The following MBOAT1 variants were observed in gnomAD, a reference collection of about 807,000 sequenced individuals.
The protein encoded by MBOAT1 is membrane-bound glycerophospholipid O-acyltransferase 1.
MBOAT1 carries 67 observed loss-of-function variants against 64.4 expected under a neutral mutation model. The observed-to-expected ratio is 1.04, with a 90% CI of 0.85 to 1.27. MBOAT1 has a LOEUF of 1.27. Ranked by LOEUF, MBOAT1 falls within the 50% of genes most tolerant of loss-of-function variation. The pLI is 0.00. For missense variants in MBOAT1, 563 were observed against 604.6 expected (o/e 0.93, Z 0.72); for synonymous variants, 229 against 218.9 (o/e 1.05, Z -0.41).
chr6:20,150,699 G>A (rs1473598292), intron 3 of MBOAT1, among the ~76,000 whole-genome samples: 2 of 150,030 alleles, frequency 1.3e-5, no homozygotes, highest in African/African-American at 4.9e-5. Flanking sequence ...GAGTAGCTGG[G>A]ACTATAGGTG....
intron 1 of MBOAT1, among the ~76,000 whole-genome samples, chr6:20,193,006 T>C (rs1340906007): frequency 1.3e-4 from 13 of 102,320 alleles, no homozygotes; most frequent in African/African-American, 4.4e-4. Context: ...TTTTTTTTTT[T>C]TTTTTTTTTT....
intron 4 of MBOAT1, among the ~76,000 whole-genome samples, chr6:20,137,843 C>CA (rs1436323892): frequency 6.6e-6 from 1 of 152,138 alleles, no homozygotes; most frequent in Non-Finnish European, 1.5e-5. Context: ...TTTAGGTTTG[C>CA]ATGCATGCTC....
chr6:20,107,429 C>T (rs994635378), intron 12 of MBOAT1, among the ~76,000 whole-genome samples: 1 of 152,222 alleles, frequency 6.6e-6, no homozygotes, highest in Non-Finnish European at 1.5e-5. Context: ...GCTTCACTCC[C>T]ACTGCACAAC....
chr6:20,113,591 A>G (rs930548616), intron 10 of MBOAT1, among the ~76,000 whole-genome samples: 5 of 152,140 alleles, frequency 3.3e-5, no homozygotes, highest in African/African-American at 4.8e-5. Context: ...CACAGTGTCC[A>G]TCAGACTTCA....
rs62404796 is a variant in MBOAT1, at chr6:20,122,341, C to T, written c.907+2067G>A. Among the ~76,000 whole-genome samples the T allele has an allele frequency of 1.3e-3, 197 of 152,264 alleles. 1 individual carries two copies. The highest frequency in any genetic ancestry group is 4.1e-3 in the Admixed American group (62 of 15,294). ...TCCCTAGTGACCAGTCTGTATTCATCCGTTTCTCTTTATTCCTCCCACTGG... is the reference window on the plus strand; with the variant it reads ...TCCCTAGTGACCAGTCTGTATTCATTCGTTTCTCTTTATTCCTCCCACTGG... On this transcript the variant is annotated intron_variant, in intron 8 of 12. Coordinates refer to ENST00000324607, the MANE Select transcript of MBOAT1 (RefSeq NM_001080480.3).
chr6:20,127,965 A>G (rs1421387578), intron 6 of MBOAT1, among the ~76,000 whole-genome samples: 1 of 152,034 alleles, frequency 6.6e-6, no homozygotes, highest in Non-Finnish European at 1.5e-5. Context: ...ATCTTTCAAT[A>G]GTGCTCCACT....
intron 1 of MBOAT1, among the ~76,000 whole-genome samples, chr6:20,178,578 C>T (rs563200745): frequency 2.4e-4 from 37 of 152,266 alleles, no homozygotes; most frequent in African/African-American, 6.7e-4. Context: ...CCTTATCAAA[C>T]GCTAATCCCT....
At chr6:20,113,832 AAAT>A (rs1432977253) in intron 10 of MBOAT1, among the ~76,000 whole-genome samples, 1 of 150,836 alleles carries the variant, frequency 6.6e-6, no homozygotes, top group Non-Finnish European at 1.5e-5. Context: ...AAAAATAAAT[AAAT>A]AATAATAAAA....
At chr6:20,181,087 C>T (rs1015998195) in intron 1 of MBOAT1, among the ~76,000 whole-genome samples, 3 of 152,330 alleles carry the variant, frequency 2.0e-5, no homozygotes, top group African/African-American at 7.2e-5. Context: ...TTCATCTTGC[C>T]TACTTCTCAG....
chr6:20,197,320 C>T (rs930428474), intron 1 of MBOAT1, among the ~76,000 whole-genome samples: 7 of 152,134 alleles, frequency 4.6e-5, no homozygotes, highest in Non-Finnish European at 7.4e-5. Context: ...ATCACGTAAA[C>T]CTGCCTCCCA....
chr6:20,138,714 G>C (rs1262734332), intron 4 of MBOAT1, among the ~76,000 whole-genome samples: 2 of 152,108 alleles, frequency 1.3e-5, no homozygotes, highest in African/African-American at 4.8e-5. Flanking sequence ...ATCAGGGGAC[G>C]GTTGTTAATT....
At chr6:20,137,717 A>AACACAC (rs35794753) in intron 4 of MBOAT1, among the ~76,000 whole-genome samples, 1 of 149,968 alleles carries the variant, frequency 6.7e-6, no homozygotes, top group African/African-American at 2.5e-5. Context: ...CCCAAAATTA[A>AACACAC]ACACACACAC....
At chr6:20,148,892 A>G (rs190593126) in intron 3 of MBOAT1, among the ~76,000 whole-genome samples, 1 of 152,002 alleles carries the variant, frequency 6.6e-6, no homozygotes, top group East Asian at 1.9e-4. Context: ...CACTAGGTCA[A>G]GAGATTGAGA....
rs1561749346 is a variant in MBOAT1 at position 20,119,092 on chromosome 6, G to A, written c.908-552C>T. ...ATGTTAAGCATGACCCGCCGGTAGT[G>A]TATCAGTTGGAGCTGCCAAGATGGG... On this transcript the variant is annotated intron_variant, in intron 8 of 12. Transcript: ENST00000324607. 3.9e-5 allele frequency among the ~76,000 whole-genome samples: 6 copies of A among 152,154 alleles called. No homozygotes were observed. The South Asian group carries it at 1.2e-3, about 32-fold the overall frequency.
At chr6:20,103,775 T>G (rs1011963347) in intron 12 of MBOAT1, among the ~76,000 whole-genome samples, 3 of 152,226 alleles carry the variant, frequency 2.0e-5, no homozygotes, top group Non-Finnish European at 4.4e-5. Flanking sequence ...AGTCCGTTTT[T>G]AAAACATTTA....
chr6:20,180,027 T>C (rs1762466929), intron 1 of MBOAT1, among the ~76,000 whole-genome samples: 1 of 152,192 alleles, frequency 6.6e-6, no homozygotes, highest in Admixed American at 6.5e-5. Flanking sequence ...CACAGGTGTC[T>C]AGTAGGTACT....
chr6:20,168,528 A>G (rs13191033), intron 1 of MBOAT1, among the ~76,000 whole-genome samples: 2,180 of 68,602 alleles, frequency 0.032, 32 homozygotes, highest in African/African-American at 0.054. Flanking sequence ...GAGAGGAGAG[A>G]AGAGGAGAGG....
chr6:20,123,939 T>A (rs1760573281), intron 8 of MBOAT1, among the ~76,000 whole-genome samples: 1 of 152,060 alleles, frequency 6.6e-6, no homozygotes, highest in Non-Finnish European at 1.5e-5. Context: ...ACGCCTGTAG[T>A]CCCAGCTACT....
At chr6:20,174,540 G>A (rs1762288830) in intron 1 of MBOAT1, among the ~76,000 whole-genome samples, 1 of 152,218 alleles carries the variant, frequency 6.6e-6, no homozygotes, top group African/African-American at 2.4e-5. Context: ...TTGTAGGACT[G>A]GAAGTTGCTC....
Sources: allele counts gnomAD v4.1 joint callset (sites outside exome capture counted in the v4.1 genomes callset), GRCh38; gene constraint gnomAD v4.1.1; transcripts MANE v1.5; gene names NCBI Gene and HGNC (gene_info 2026-07-23, HGNC 2026-07-21).